The following GOSR1 variants were observed in gnomAD, a reference collection of about 807,000 sequenced individuals.
GOSR1 encodes the protein golgi SNAP receptor complex member 1, also known as 28 kDa Golgi SNARE protein.
In GOSR1, 21 loss-of-function variants were observed where a neutral mutation model predicts 35.5. That is an observed-to-expected ratio of 0.59 (90% CI 0.42 to 0.85). GOSR1 has a LOEUF of 0.85. Among genes scored for constraint, GOSR1 ranks in the 40% least tolerant of loss-of-function variants. The pLI, the probability that GOSR1 is intolerant of heterozygous loss-of-function variation, is 0.00. For missense variants in GOSR1, 285 were observed against 309.6 expected (o/e 0.92, Z 0.60); for synonymous variants, 94 against 106.6 (o/e 0.88, Z 0.73).
At position 30,481,268 on chromosome 17, in the gene GOSR1, T is replaced by A. The variant is rs2143597107; in HGVS notation, c.146+11T>A. The A allele has an allele frequency of 6.3e-7, 1 of 1,594,042 alleles. No individual in the cohort carries two copies. The highest frequency in any genetic ancestry group is 2.2e-5 in the East Asian group (1 of 44,700). On this transcript the variant is annotated intron_variant, in intron 2 of 8. Coordinates refer to ENST00000451249, the MANE Select transcript of GOSR1 (RefSeq NM_001007025.2). ...TGGAAGACGCGACAGGTATAGGTAC[T>A]ACCAGATTCTGTCTCCTATGCCTTA...
chr17:30,510,656 G>A (rs1743242419), intron 6 of GOSR1: 1 of 308,532 alleles, frequency 3.2e-6, no homozygotes, highest in South Asian at 9.5e-5. Context: ...GGCAGCTGCA[G>A]TGAGTTGAGA....
chr17:30,493,932 C>T (rs1240462404), intron 6 of GOSR1, among the ~76,000 whole-genome samples: 2 of 151,994 alleles, frequency 1.3e-5, no homozygotes, highest in African/African-American at 4.8e-5. Flanking sequence ...GTCATGATTT[C>T]CTCATTCTAA....
At chr17:30,481,474 A>G (rs1914345902) in intron 2 of GOSR1, 2 of 345,860 alleles carry the variant, frequency 5.8e-6, no homozygotes, top group Non-Finnish European at 1.1e-5. Flanking sequence ...AGATTGTTAC[A>G]GTGTCAGAAG....
intron 3 of GOSR1, 36 bp from the exon 4 acceptor site, chr17:30,484,627 A>T (rs1172198424): frequency 8.4e-7 from 1 of 1,192,802 alleles, no homozygotes; most frequent in Non-Finnish European, 1.2e-6. Context: ...GTGCTTAGTA[A>T]AATATTTTGA....
rs1384376620 is a variant in GOSR1, at chr17:30,516,478, A to AAAAAAAAG, written c.540-3457_540-3456insAAAGAAAA. Reference sequence around the variant, plus strand: ...GAGCAAGACTCCGTCTCAAACAAAAAAAAAGAAAAAGAAAAAGTCAGTCTC... The same window carrying AAAAAAAAG: ...GAGCAAGACTCCGTCTCAAACAAAAAAAAAAAAGAAAAGAAAAAGAAAAAGTCAGTCTC... On this transcript the variant is annotated intron_variant, in intron 7 of 8. Coordinates refer to ENST00000451249, the MANE Select transcript of GOSR1 (RefSeq NM_001007025.2). Among the ~76,000 whole-genome samples the AAAAAAAAG allele has an allele frequency of 8.1e-5, 12 of 148,772 alleles. 1 individual carries two copies. The highest frequency in any genetic ancestry group is 1.0e-4 in the African/African-American group (4 of 40,056).
intron 6 of GOSR1, among the ~76,000 whole-genome samples, chr17:30,504,237 G>C (rs976231814): frequency 6.6e-6 from 1 of 152,052 alleles, no homozygotes; most frequent in Non-Finnish European, 1.5e-5. Context: ...ATGTTGGCTA[G>C]GCTGGTCTCG....
rs1352781532 is a variant in GOSR1, at chr17:30,484,786, C to A, written c.342+16C>A. ...CATATTGCAGGTAATATATTGGGCT[C>A]GAGATGTTTTCATTATCACAGGAGT... is the stretch of plus-strand genomic sequence containing the variant. On this transcript the variant is annotated intron_variant, in intron 4 of 8. Transcript: ENST00000451249. The A allele has an allele frequency of 1.5e-6, 2 of 1,317,784 alleles. No homozygotes were observed. The highest frequency in any genetic ancestry group is 2.2e-6 in the Non-Finnish European group (2 of 910,786). The allele number at this position is 1,317,784 out of a possible 1,614,324, so 81.6% of individuals were successfully genotyped here.
At chr17:30,521,610 A>C (rs1473076784) in intron 8 of GOSR1, among the ~76,000 whole-genome samples, 2 of 152,120 alleles carry the variant, frequency 1.3e-5, no homozygotes, top group Admixed American at 6.5e-5. Flanking sequence ...AAATCAAAAA[A>C]AATGGGTGTG....
intron 6 of GOSR1, among the ~76,000 whole-genome samples, chr17:30,507,963 A>AG (rs1407201024): frequency 5.3e-5 from 8 of 152,200 alleles, no homozygotes; most frequent in African/African-American, 1.7e-4. Flanking sequence ...GGGGTTTGAG[A>AG]GGACTGACTC....
At chr17:30,521,163 C>G (rs1968014268) in intron 8 of GOSR1, among the ~76,000 whole-genome samples, 1 of 132,328 alleles carries the variant, frequency 7.6e-6, no homozygotes, top group African/African-American at 2.8e-5. Context: ...TAAGTTCTCT[C>G]TCTCTTTTTT....
intron 6 of GOSR1, among the ~76,000 whole-genome samples, chr17:30,503,577 G>A (rs1049235302): frequency 5.9e-5 from 9 of 152,158 alleles, no homozygotes; most frequent in South Asian, 2.1e-4. Flanking sequence ...CTCTGTTGTC[G>A]TGTCCACACG....
At chr17:30,509,015 G>A (rs1290449223) in intron 6 of GOSR1, among the ~76,000 whole-genome samples, 1 of 151,644 alleles carries the variant, frequency 6.6e-6, no homozygotes, top group East Asian at 1.9e-4. Flanking sequence ...CTAGCTTGTC[G>A]CCCAGGCTGG....
intron 6 of GOSR1, among the ~76,000 whole-genome samples, chr17:30,510,281 C>T (rs1967567943): frequency 6.7e-6 from 1 of 148,730 alleles, no homozygotes; most frequent in Admixed American, 6.7e-5. Context: ...GCCATGTTGG[C>T]CAGGCTGGTC....
chr17:30,481,028 G>A, intron 1 of GOSR1, 115 bp from the exon 2 acceptor site: 1 of 700,370 alleles, frequency 1.4e-6, no homozygotes, highest in Admixed American at 2.2e-5. Flanking sequence ...TTTCTTTATG[G>A]GGGTAACAAG....
At chr17:30,486,164 G>A (rs976629069) in intron 4 of GOSR1, among the ~76,000 whole-genome samples, 1 of 152,018 alleles carries the variant, frequency 6.6e-6, no homozygotes, top group Non-Finnish European at 1.5e-5. Flanking sequence ...ACCCATGATC[G>A]CTACAAATGT....
At chr17:30,477,735 C>G in intron 1 of GOSR1, 1 of 985,076 alleles carries the variant, frequency 1.0e-6, no homozygotes, top group African/African-American at 1.7e-5. Flanking sequence ...GGCTCTCAAT[C>G]GCCTGGGTAG....
At chr17:30,488,495 C>A (rs576741719) in intron 4 of GOSR1, among the ~76,000 whole-genome samples, 221 of 149,604 alleles carry the variant, frequency 1.5e-3, no homozygotes, top group African/African-American at 5.3e-3. Context: ...TAAAAGAGTT[C>A]AGTTTAAAAA....
chr17:30,484,228 C>A lies in GOSR1; in HGVS notation c.161C>A (p.Pro54His). The change falls in exon 3 of 9, where the codon CCC (proline) becomes CAC (histidine). Residue 54 changes from proline to histidine, a missense_variant. Coordinates refer to ENST00000451249, the MANE Select transcript of GOSR1 (RefSeq NM_001007025.2). ...CTTCTTTTTAGTTCTGATACAACACCCCTTTTAAATGGATCAAGCCAAGAC... is the reference window on the plus strand; with the variant it reads ...CTTCTTTTTAGTTCTGATACAACACACCTTTTAAATGGATCAAGCCAAGAC... The part of the protein sequence containing the change: ...DGRRDSSDTT[P>H]LLNGSSQDRM... 1 of 1,597,530 alleles carries A rather than the reference C, an allele frequency of 6.3e-7. No homozygotes were observed. The highest frequency in any genetic ancestry group is 8.6e-7 in the Non-Finnish European group (1 of 1,165,130).
At chr17:30,516,402 G>A (rs945057190) in intron 7 of GOSR1, among the ~76,000 whole-genome samples, 6 of 150,888 alleles carry the variant, frequency 4.0e-5, no homozygotes, top group African/African-American at 9.8e-5. Flanking sequence ...CCTGGGAGGC[G>A]GAGGTTGCAG....
Sources: allele counts gnomAD v4.1 joint callset (sites outside exome capture counted in the v4.1 genomes callset), GRCh38; gene constraint gnomAD v4.1.1; transcripts MANE v1.5; gene names NCBI Gene and HGNC (gene_info 2026-07-23, HGNC 2026-07-21).